LARGE1: variants seen among roughly 807,000 people sequenced by gnomAD.
The protein encoded by LARGE1 is xylosyl- and glucuronyltransferase LARGE1.
LARGE1 carries 43 observed loss-of-function variants against 87.6 expected under a neutral mutation model. The ratio of observed to expected loss-of-function variants is 0.49; its 90% confidence interval spans 0.38 to 0.63. The LOEUF (loss-of-function observed/expected upper bound fraction) is 0.63, where lower values mean the gene tolerates loss of function less well. Among genes scored for constraint, LARGE1 ranks in the 30% least tolerant of loss-of-function variants. The probability of loss-of-function intolerance (pLI) is 0.00; values close to 1 mark genes in which losing one functional copy is unlikely to be tolerated. For synonymous variants in LARGE1, 434 were observed against 394.6 expected (o/e 1.10, Z -1.18); for missense variants, 802 against 1,000.2 (o/e 0.80, Z 2.67).
chr22:33,139,985 G>A, the LARGE1 span, among the ~76,000 whole-genome samples: 1 of 152,242 alleles, frequency 6.6e-6, no homozygotes, highest in Non-Finnish European at 1.5e-5. Context: ...GGGCTGGAGG[G>A]CTGCCTCTGG....
chr22:33,478,720 C>G (rs561308803), intron 6 of LARGE1, among the ~76,000 whole-genome samples: 4 of 152,330 alleles, frequency 2.6e-5, no homozygotes, highest in Non-Finnish European at 5.9e-5. Flanking sequence ...ATGAAAGCAT[C>G]TGGCACAATG....
intron 9 of LARGE1, among the ~76,000 whole-genome samples, chr22:33,372,623 A>G (rs1430084176): frequency 1.3e-5 from 2 of 152,182 alleles, no homozygotes; most frequent in Non-Finnish European, 2.9e-5. Context: ...AACTGCTCCC[A>G]TGATTCAATT....
intron 12 of LARGE1, 47 bp downstream of exon 12, chr22:33,304,182 C>T (rs753430945): frequency 1.2e-6 from 2 of 1,607,668 alleles, no homozygotes; most frequent in South Asian, 1.1e-5. Flanking sequence ...CACTGCATGG[C>T]CCTATGTGCC....
intron 9 of LARGE1, among the ~76,000 whole-genome samples, chr22:33,347,268 T>A (rs1323718048): frequency 6.6e-6 from 1 of 152,232 alleles, no homozygotes; most frequent in Non-Finnish European, 1.5e-5. Flanking sequence ...ATTATTTATT[T>A]ACATGCCTGC....
chr22:33,859,376 G>C (rs1005696037), intron 1 of LARGE1, among the ~76,000 whole-genome samples: 4 of 152,048 alleles, frequency 2.6e-5, no homozygotes, highest in Non-Finnish European at 4.4e-5. Flanking sequence ...GGAAAACAAC[G>C]GGCACCCAAC....
In LARGE1 at chr22:33,896,289, A is replaced by G. The variant is rs367933523; in HGVS notation, c.-83+23706T>C. Among the ~76,000 whole-genome samples, 15 of 152,330 alleles carry G rather than the reference A, an allele frequency of 9.8e-5. No individual in the cohort carries two copies. In the South Asian group the frequency reaches 2.7e-3, roughly 27 times the overall value. On this transcript the variant is annotated intron_variant, in intron 1 of 14. Transcript: ENST00000397394. The stretch of plus-strand genomic sequence containing the variant: ...ACTTCCTTCCTTTTGAAGGCTGAAT[A>G]AATTCCATGTATGTCTACACCACAT...
At chr22:33,170,844 T>C in intron 11 of LARGE1, among the ~76,000 whole-genome samples, 1 of 152,054 alleles carries the variant, frequency 6.6e-6, no homozygotes, top group East Asian at 1.9e-4. Flanking sequence ...AACCTGAAAA[T>C]GTGGAAGCAA....
chr22:33,107,751 C>G, the LARGE1 span, among the ~76,000 whole-genome samples: 3 of 152,088 alleles, frequency 2.0e-5, no homozygotes, highest in Non-Finnish European at 4.4e-5. Flanking sequence ...ACCAGTTGAC[C>G]TAGCTACTAG....
chr22:33,751,865 T>A (rs1333700234), intron 2 of LARGE1, among the ~76,000 whole-genome samples: 1 of 152,040 alleles, frequency 6.6e-6, no homozygotes, highest in Admixed American at 6.6e-5. Context: ...CCTCCAGGGT[T>A]CAAGCGATCC....
chr22:33,157,457 C>G (rs1602025411), downstream of LARGE1, among the ~76,000 whole-genome samples: 1 of 152,204 alleles, frequency 6.6e-6, no homozygotes, highest in African/African-American at 2.4e-5. Flanking sequence ...CTGGCCCCTC[C>G]CCACTTCCCA....
intron 1 of LARGE1, among the ~76,000 whole-genome samples, chr22:33,827,449 C>G (rs1601713280): frequency 6.6e-6 from 1 of 152,248 alleles, no homozygotes; most frequent in African/African-American, 2.4e-5. Flanking sequence ...TACACATAAA[C>G]TTTTGGCACA....
intron 10 of LARGE1, among the ~76,000 whole-genome samples, chr22:33,327,149 G>C (rs1937316812): frequency 1.3e-5 from 2 of 152,196 alleles, no homozygotes; most frequent in Non-Finnish European, 2.9e-5. Flanking sequence ...TCTGTTTCTT[G>C]GCATTGTCTT....
chr22:33,172,876 C>T (rs907044378), intron 11 of LARGE1, among the ~76,000 whole-genome samples: 3 of 152,174 alleles, frequency 2.0e-5, no homozygotes, highest in Admixed American at 2.0e-4. Flanking sequence ...ACCAAATCTA[C>T]ATTTGATTGG....
chr22:33,884,191 GC>G (rs1386224788), intron 1 of LARGE1, among the ~76,000 whole-genome samples: 2 of 152,222 alleles, frequency 1.3e-5, no homozygotes, highest in Non-Finnish European at 2.9e-5. Flanking sequence ...AGAAACCAAG[GC>G]CATGCGGTTG....
At chr22:33,902,686 T>C (rs1294249579) in intron 1 of LARGE1, among the ~76,000 whole-genome samples, 1 of 152,198 alleles carries the variant, frequency 6.6e-6, no homozygotes, top group African/African-American at 2.4e-5. Context: ...AAACAAGATA[T>C]GTACATGTTT....
chr22:33,887,263 G>A (rs942386392), intron 1 of LARGE1, among the ~76,000 whole-genome samples: 8 of 152,174 alleles, frequency 5.3e-5, no homozygotes, highest in Admixed American at 6.5e-5. Flanking sequence ...TGGAGCCCTC[G>A]AGAATAGGAT....
chr22:33,350,261 C>T (rs577225003), intron 9 of LARGE1, among the ~76,000 whole-genome samples: 5 of 152,206 alleles, frequency 3.3e-5, no homozygotes, highest in Non-Finnish European at 7.3e-5. Flanking sequence ...GCAAAGAATT[C>T]CTGATGCTGT....
chr22:33,659,643 C>T (rs2081063280), intron 2 of LARGE1, among the ~76,000 whole-genome samples: 1 of 151,588 alleles, frequency 6.6e-6, no homozygotes, highest in Non-Finnish European at 1.5e-5. Flanking sequence ...CCCAAAATTC[C>T]CCTAAGTGAT....
chr22:33,083,725 C>T, the LARGE1 span, among the ~76,000 whole-genome samples: 1 of 152,162 alleles, frequency 6.6e-6, no homozygotes, highest in Non-Finnish European at 1.5e-5. Flanking sequence ...TGACACGAAA[C>T]CAGCTGCCAC....
Sources: gnomAD v4.1 joint callset for allele counts (sites outside exome capture counted in the v4.1 genomes callset) on GRCh38, gnomAD v4.1.1 for gene constraint, MANE v1.5 for transcripts, NCBI Gene and HGNC (gene_info 2026-07-23, HGNC 2026-07-21) for gene names.